Variants in SRP54 observed in about 807,000 individuals in gnomAD.
SRP54 encodes the protein signal recognition particle subunit SRP54.
A neutral mutation model predicts 64.8 loss-of-function variants in SRP54; 10 were observed. The ratio of observed to expected loss-of-function variants is 0.15; its 90% CI spans 0.10 to 0.26. The LOEUF (loss-of-function observed/expected upper bound fraction) is 0.26. Among genes scored for constraint, SRP54 ranks in the 10% least tolerant of loss-of-function variants. The pLI, the probability that SRP54 is intolerant of heterozygous loss-of-function variation, is 1.00. For synonymous variants in SRP54, 193 were observed against 185.6 expected (o/e 1.04, Z -0.32); for missense variants, 325 against 613.7 (o/e 0.53, Z 4.97).
intron 11 of SRP54, among the ~76,000 whole-genome samples, chr14:35,016,208 T>A (rs1566653637): frequency 6.6e-6 from 1 of 152,208 alleles, no homozygotes; most frequent in Non-Finnish European, 1.5e-5. Context: ...TCCTGTACTC[T>A]TCCCCTTTGA....
chr14:35,011,459 G>C (rs2044356848), intron 7 of SRP54, 50 bp from the exon 8 acceptor site: 1 of 1,320,752 alleles, frequency 7.6e-7, no homozygotes, highest in Non-Finnish European at 9.9e-7. Flanking sequence ...CGAATTAGTA[G>C]TATTTGGAAG....
intron 14 of SRP54, among the ~76,000 whole-genome samples, chr14:35,024,279 T>G (rs1231239790): frequency 6.6e-6 from 1 of 152,182 alleles, no homozygotes. Context: ...TGTGCCCGCC[T>G]CGGACTCCCA....
intron 1 of SRP54, among the ~76,000 whole-genome samples, chr14:34,983,759 T>G (rs2043847081): frequency 6.6e-6 from 1 of 152,234 alleles, no homozygotes; most frequent in Non-Finnish European, 1.5e-5. Flanking sequence ...ACATGCTTAA[T>G]TTAACAAAAT....
intron 14 of SRP54, among the ~76,000 whole-genome samples, chr14:35,025,278 A>G (rs2044603406): frequency 6.6e-6 from 1 of 152,214 alleles, no homozygotes. Context: ...AATATGAACA[A>G]TACCATTGAA....
chr14:34,984,865 C>T (rs941094936), intron 1 of SRP54, among the ~76,000 whole-genome samples: 1 of 151,518 alleles, frequency 6.6e-6, no homozygotes, highest in Non-Finnish European at 1.5e-5. Context: ...CTAAAACTTG[C>T]AAACTCATTA....
At chr14:35,017,538 A>G (rs1024976318) in intron 11 of SRP54, among the ~76,000 whole-genome samples, 4 of 152,174 alleles carry the variant, frequency 2.6e-5, no homozygotes, top group Admixed American at 2.0e-4. Context: ...GTTGACTGCT[A>G]TAACATTTCT....
At chr14:35,014,663 A>G (rs1271460457) in intron 10 of SRP54, 81 bp from the exon 11 acceptor site, 1 of 1,044,398 alleles carries the variant, frequency 9.6e-7, no homozygotes, top group Non-Finnish European at 1.5e-6. Flanking sequence ...TCACAAGGTT[A>G]TTATGTATGT....
At chr14:34,994,494 A>G (rs1176705207) in intron 1 of SRP54, among the ~76,000 whole-genome samples, 2 of 151,998 alleles carry the variant, frequency 1.3e-5, no homozygotes, top group Admixed American at 1.3e-4. Flanking sequence ...GCCCTTTGAA[A>G]TCTCTGTTTC....
rs777031532 is a variant in SRP54 at position 35,023,095 on chromosome 14, C to T, written c.1327+15C>T. The T allele has an allele frequency of 1.9e-6, 3 of 1,581,060 alleles. No homozygotes were observed. The highest frequency in any genetic ancestry group is 1.8e-5 in the Admixed American group (1 of 56,798). On this transcript the variant is annotated intron_variant, in intron 14 of 15. Transcript: ENST00000216774. Reference sequence around the variant, plus strand: ...ACTTTTCAAAGGTAAGAAAAATAAGCTTGTTATTAGTTAACAGACGGAAAA... The same window carrying T: ...ACTTTTCAAAGGTAAGAAAAATAAGTTTGTTATTAGTTAACAGACGGAAAA...
In SRP54 at chr14:34,996,575, G is replaced by A. The variant is rs1053668268; in HGVS notation, c.-33-102G>A. On this transcript the variant is annotated intron_variant, in intron 1 of 15. Coordinates refer to ENST00000216774, the MANE Select transcript of SRP54 (RefSeq NM_003136.4). ...TGAGGCTATGGAAGGTGATCTTACAGTATCTAAACACTAGAGTAATTTGAA... is the reference window on the plus strand; with the variant it reads ...TGAGGCTATGGAAGGTGATCTTACAATATCTAAACACTAGAGTAATTTGAA... 8 of 661,504 alleles carry A rather than the reference G, an allele frequency of 1.2e-5. No homozygotes were observed. The African/African-American group carries it at 1.3e-4, about 10-fold the overall frequency. The allele number at this position is 661,504 out of a possible 1,614,324, so 41.0% of individuals were successfully genotyped here.
intron 1 of SRP54, among the ~76,000 whole-genome samples, chr14:34,984,470 G>A (rs2043862584): frequency 6.6e-6 from 1 of 152,054 alleles, no homozygotes; most frequent in South Asian, 2.1e-4. Flanking sequence ...GTCCCTATAT[G>A]CCAACCATGT....
Position 35,029,160 on chromosome 14 carries a change from G to A in SRP54, c.*8G>A, listed in dbSNP as rs368338086. 3.0e-4 allele frequency: 481 copies of A among 1,610,926 alleles called. No homozygotes were observed. Among genetic ancestry groups the A allele is most frequent in the Non-Finnish European group, 3.9e-4 (455 of 1,178,160 alleles). On this transcript the variant is annotated 3_prime_UTR_variant, in exon 16 of 16. Coordinates refer to ENST00000216774, the MANE Select transcript of SRP54 (RefSeq NM_003136.4). ...GGATTCAATAATATGTAAAGAAAAT[G>A]CCTTAATATAAACTGACTCAGTTGA...
At position 35,013,759 on chromosome 14, in the gene SRP54, G is replaced by C. The variant is rs571600966; in HGVS notation, c.786-43G>C. ...AATTTCAGATCTGCTGGAAATTTGT[G>C]GGGTTCTTTTGAGGTTATTTTATAT... On this transcript the variant is annotated intron_variant, in intron 9 of 15. Coordinates refer to ENST00000216774, the MANE Select transcript of SRP54 (RefSeq NM_003136.4). The C allele has an allele frequency of 8.7e-5, 131 of 1,511,830 alleles. 4 individuals carry two copies. In the South Asian group the frequency reaches 1.5e-3, roughly 17 times the overall value. The allele number at this position is 1,511,830 out of a possible 1,614,324, so 93.7% of individuals were successfully genotyped here. A position where few individuals can be genotyped will look rare whatever the true frequency, so the allele number is the denominator to read the frequency against.
chr14:35,017,508 T>G (rs1268712540), intron 11 of SRP54, among the ~76,000 whole-genome samples: 1 of 152,228 alleles, frequency 6.6e-6, no homozygotes, highest in Non-Finnish European at 1.5e-5. Context: ...TCTCTTCCAC[T>G]GTTTAATTCT....
At position 35,022,931 on chromosome 14, in the gene SRP54, C is replaced by G. The variant is rs2044558210; in HGVS notation, c.1178C>G (p.Ala393Gly). ...ACAGAACTAGACAGTACGGATGGTG[C>G]CAAAGTTTTTAGTAAACAACCAGGA... ...NDQELDSTDG[A>G]KVFSKQPGRI... The change falls in exon 14 of 16, where the codon GCC (alanine) becomes GGC (glycine). Residue 393 changes from alanine (A) to glycine (G), a missense_variant. Physicochemically the swap from Ala to Gly is moderately conservative, Grantham distance 60. This residue lies in a region of SRP54 where 146 missense variants were observed against 337.4 expected (regional missense o/e 0.43). Coordinates refer to ENST00000216774, the MANE Select transcript of SRP54 (RefSeq NM_003136.4). 1.2e-6 allele frequency: 2 copies of G among 1,613,254 alleles called. No homozygotes were observed. Among genetic ancestry groups the G allele is most frequent in the Admixed American group, 1.7e-5 (1 of 59,896 alleles).
intron 1 of SRP54, chr14:34,993,203 A>G (rs542935631): frequency 1.3e-5 from 2 of 152,138 alleles, no homozygotes; most frequent in African/African-American, 4.8e-5. Context: ...TTATGACATG[A>G]CCTCTAAAAA....
At chr14:35,023,314 T>C (rs1328737480) in intron 14 of SRP54, among the ~76,000 whole-genome samples, 1 of 151,766 alleles carries the variant, frequency 6.6e-6, no homozygotes. Flanking sequence ...AATAAAGCAA[T>C]GATTTTCTTT....
chr14:34,991,109 C>CTTTTT (rs71435838), intron 1 of SRP54, among the ~76,000 whole-genome samples: 132 of 110,890 alleles, frequency 1.2e-3, no homozygotes, highest in African/African-American at 2.1e-3. Flanking sequence ...AATTTCTTTT[C>CTTTTT]TTTTTTTTTT....
At chr14:35,016,525 A>G (rs935371327) in intron 11 of SRP54, among the ~76,000 whole-genome samples, 7 of 152,200 alleles carry the variant, frequency 4.6e-5, no homozygotes, top group Non-Finnish European at 1.0e-4. Flanking sequence ...TCTGGCCAAG[A>G]TGGCTAACTG....
Sources: allele counts gnomAD v4.1 joint callset (sites outside exome capture counted in the v4.1 genomes callset), GRCh38; gene constraint gnomAD v4.1.1; regional missense constraint gnomAD v4.1.1; transcripts MANE v1.5; gene names NCBI Gene and HGNC (gene_info 2026-07-23, HGNC 2026-07-21).